TMTC1: variants seen among roughly 807,000 people sequenced by gnomAD.
TMTC1 encodes transmembrane O-mannosyltransferase targeting cadherins 1.
In TMTC1, 73 loss-of-function variants were observed where a neutral mutation model predicts 104.8. That is an observed-to-expected ratio of 0.70 (90% CI 0.58 to 0.85). The LOEUF is 0.85. TMTC1 is among the 40% of genes least tolerant of loss of function. The pLI, the probability that TMTC1 is intolerant of heterozygous loss-of-function variation, is 0.00. For synonymous variants in TMTC1, 434 were observed against 428.7 expected, an observed-to-expected ratio of 1.01 and a Z score of -0.15; for missense variants, 1,035 against 1,096.1, an observed-to-expected ratio of 0.94 and a Z score of 0.79.
chr12:29,550,589 C>T lies in TMTC1; in HGVS notation c.1676+6268G>A, dbSNP rs117467068. 8.2e-3 allele frequency among the ~76,000 whole-genome samples: 1,242 copies of T among 152,080 alleles called. 5 individuals carry two copies. Among genetic ancestry groups the T allele is most frequent in the Non-Finnish European group, 0.012 (849 of 67,986 alleles). ...AGTTTAAGCTCAAAGAGGAGCATTT[C>T]GGAGTTCAAATGCTAGAGAATGACA... On this transcript the variant is annotated intron_variant, in intron 10 of 17. Transcript: ENST00000539277.
intron 5 of TMTC1, among the ~76,000 whole-genome samples, chr12:29,681,938 C>G (rs1399991525): frequency 6.6e-6 from 1 of 152,068 alleles, no homozygotes; most frequent in African/African-American, 2.4e-5. Context: ...GGGTTTATTA[C>G]ACTTATTTTA....
At chr12:29,703,890 A>G (rs1941670154) in intron 5 of TMTC1, among the ~76,000 whole-genome samples, 1 of 152,186 alleles carries the variant, frequency 6.6e-6, no homozygotes, top group Admixed American at 6.5e-5. Flanking sequence ...ACTTAGTGAT[A>G]TGGTTTGGCT....
At chr12:29,653,474 A>G (rs1449108136) in intron 5 of TMTC1, among the ~76,000 whole-genome samples, 5 of 152,148 alleles carry the variant, frequency 3.3e-5, no homozygotes, top group Admixed American at 3.3e-4. Flanking sequence ...TAAATGGACA[A>G]TTGGGCCTTG....
chr12:29,728,259 G>C (rs1591982752), intron 5 of TMTC1, among the ~76,000 whole-genome samples: 1 of 152,138 alleles, frequency 6.6e-6, no homozygotes, highest in East Asian at 1.9e-4. Context: ...GAAGGAAACA[G>C]CTGACAGCAG....
At chr12:29,670,443 C>A (rs1346012246) in intron 5 of TMTC1, among the ~76,000 whole-genome samples, 1 of 152,194 alleles carries the variant, frequency 6.6e-6, no homozygotes, top group African/African-American at 2.4e-5. Context: ...GGTCAAATAA[C>A]TTGTCCCAAG....
chr12:29,602,788 T>C (rs1386249813), intron 7 of TMTC1, among the ~76,000 whole-genome samples: 1 of 152,212 alleles, frequency 6.6e-6, no homozygotes, highest in Non-Finnish European at 1.5e-5. Flanking sequence ...TAATTGGCAG[T>C]TAACTCTTTG....
intron 7 of TMTC1, among the ~76,000 whole-genome samples, chr12:29,588,405 A>G (rs572505668): frequency 1.1e-4 from 16 of 152,294 alleles, no homozygotes; most frequent in African/African-American, 3.9e-4. Flanking sequence ...TGGCTGCTCA[A>G]GTTCATAAGC....
chr12:29,673,237 T>C (rs1186229238), intron 5 of TMTC1, among the ~76,000 whole-genome samples: 1 of 108,032 alleles, frequency 9.3e-6, no homozygotes, highest in Admixed American at 9.4e-5. Flanking sequence ...ATTCCAATAC[T>C]CACTTGCTTT....
chr12:29,551,439 T>C (rs1391647798), intron 10 of TMTC1, among the ~76,000 whole-genome samples: 3 of 152,210 alleles, frequency 2.0e-5, no homozygotes, highest in African/African-American at 7.2e-5. Context: ...AAATATATCC[T>C]GTTATCAAAT....
intron 6 of TMTC1, among the ~76,000 whole-genome samples, chr12:29,606,433 TAAAG>T (rs971359081): frequency 6.6e-6 from 1 of 152,188 alleles, no homozygotes; most frequent in African/African-American, 2.4e-5. Flanking sequence ...AGACCCCAAA[TAAAG>T]AGTGTCTTGT....
chr12:29,600,658 C>T (rs1946540397), intron 7 of TMTC1, among the ~76,000 whole-genome samples: 1 of 152,188 alleles, frequency 6.6e-6, no homozygotes, highest in African/African-American at 2.4e-5. Flanking sequence ...GTTAAACTCT[C>T]AAATGAGGTC....
At chr12:29,584,243 C>T (rs1014235870) in intron 7 of TMTC1, among the ~76,000 whole-genome samples, 5 of 152,294 alleles carry the variant, frequency 3.3e-5, no homozygotes, top group African/African-American at 1.2e-4. Context: ...ATCAGCATTA[C>T]GTCTCTAAAA....
rs774871997 is a variant in TMTC1 at position 29,583,434 on chromosome 12, A to T, written c.1391T>A (p.Ile464Asn). The T allele has an allele frequency of 1.1e-5, 17 of 1,613,776 alleles. No individual in the cohort carries two copies. The East Asian group carries it at 3.8e-4, about 36-fold the overall frequency. ...GAATAGGGACTCTCTTGACAGCCAA[A>T]TTTCATTCTGTTTCACAGTTTTCCA... The part of the protein sequence containing the change: ...FSWKTVKQNE[I>N]WLSRESLFRS... Residue 464 changes from isoleucine to asparagine, a missense_variant, in exon 8 of 18, where the codon ATT (isoleucine) becomes AAT (asparagine). By Grantham distance (149) the Ile-to-Asn change is moderately radical (BLOSUM62 -3). Transcript: ENST00000539277.
intron 5 of TMTC1, chr12:29,658,702 T>C (rs1939874142): frequency 9.3e-6 from 2 of 214,040 alleles, no homozygotes; most frequent in South Asian, 1.6e-4. Flanking sequence ...TTCTTATAGA[T>C]CTGCATGTAT....
chr12:29,624,333 A>G (rs7979833), intron 6 of TMTC1, among the ~76,000 whole-genome samples: 94,922 of 151,394 alleles, frequency 0.63, 29,955 homozygotes, highest in East Asian at 0.75. Flanking sequence ...TGGGCCCACC[A>G]AGAAGAAAAC....
chr12:29,516,388 G>C lies in TMTC1; in HGVS notation c.2268C>G (p.Leu756=). Residue 756 remains leucine, a synonymous_variant, in exon 15 of 18, where the codon CTC becomes CTG. Transcript: ENST00000539277. ...CCTGCTTGCTATAGATGGCTGACAA[G>C]AGGCGATAGCATTCAAGGCATCCGG... ...EETGCLECYR[L]LSAIYSKQEN... 1 of 1,613,880 alleles carries C rather than the reference G, an allele frequency of 6.2e-7. No homozygotes were observed. Among genetic ancestry groups the C allele is most frequent in the South Asian group, 1.1e-5 (1 of 91,040 alleles).
chr12:29,542,029 C>T lies in TMTC1; in HGVS notation c.1677-5712G>A, dbSNP rs143070025. ...ATTGTATTAATTTAGCCATTTAGAC[C>T]GAATTGACAAGTCAATTTCAAAGGG... On this transcript the variant is annotated intron_variant, in intron 10 of 17. Transcript: ENST00000539277. Among the ~76,000 whole-genome samples, 16 of 152,076 alleles carry T rather than the reference C, an allele frequency of 1.1e-4. No individual in the cohort carries two copies. The East Asian group carries it at 2.1e-3, about 20-fold the overall frequency.
chr12:29,601,348 A>G (rs1946559877), intron 7 of TMTC1, among the ~76,000 whole-genome samples: 1 of 152,198 alleles, frequency 6.6e-6, no homozygotes, highest in Admixed American at 6.5e-5. Flanking sequence ...TTAAATGTCT[A>G]GTTAAAAATT....
chr12:29,572,303 C>T (rs539937222), intron 8 of TMTC1, 85 bp from the exon 9 acceptor site: 13 of 1,176,080 alleles, frequency 1.1e-5, no homozygotes, highest in Non-Finnish European at 1.4e-5. Flanking sequence ...GTTTCATGAA[C>T]CTGTATTTGA....
Sources: allele counts gnomAD v4.1 joint callset (sites outside exome capture counted in the v4.1 genomes callset), GRCh38; gene constraint gnomAD v4.1.1; transcripts MANE v1.5; gene names NCBI Gene and HGNC (gene_info 2026-07-23, HGNC 2026-07-21).